SLC67A2: variants seen among roughly 807,000 people sequenced by gnomAD.
The protein encoded by SLC67A2 is solute carrier family 67 member A2.
chr2:102,732,062 T>C, the SLC67A2 span: 18 of 602,650 alleles, frequency 3.0e-5, no homozygotes, highest in Admixed American at 2.2e-4. Context: ...AGAGGCTCCA[T>C]AAGTACCTGT....
chr2:102,732,141 A>G, the SLC67A2 span: 2 of 713,142 alleles, frequency 2.8e-6, no homozygotes, highest in Non-Finnish European at 5.2e-6. Context: ...TACGTCGTCT[A>G]GAAAAAAAGG....
the SLC67A2 span, among the ~76,000 whole-genome samples, chr2:102,731,343 T>C: frequency 2.6e-5 from 4 of 152,150 alleles, no homozygotes; most frequent in African/African-American, 4.8e-5. Context: ...TTATGGACGC[T>C]GTATGATTGT....
chr2:102,716,537 A>AT, the SLC67A2 span: 5 of 152,184 alleles, frequency 3.3e-5, no homozygotes, highest in African/African-American at 1.2e-4. Context: ...TCAGAAGTCC[A>AT]TTTTTCCTTG....
At chr2:102,732,743 T>C in the SLC67A2 span, among the ~76,000 whole-genome samples, 2 of 150,308 alleles carry the variant, frequency 1.3e-5, no homozygotes, top group Non-Finnish European at 3.0e-5. Context: ...AGCACTTGCT[T>C]AAAAATATGT....
chr2:102,719,284 A>G, the SLC67A2 span: 3 of 1,415,374 alleles, frequency 2.1e-6, no homozygotes, highest in Middle Eastern at 1.8e-4. Context: ...GGAAGGGCCA[A>G]TTATTTGTGT....
the SLC67A2 span, chr2:102,719,163 T>C: frequency 1.5e-5 from 25 of 1,614,014 alleles, no homozygotes; most frequent in Non-Finnish European, 1.9e-5. Context: ...CCCTTCTCTG[T>C]ACTGCCCGGT....
the SLC67A2 span, chr2:102,730,953 C>A: frequency 1.5e-6 from 2 of 1,301,736 alleles, no homozygotes; most frequent in Non-Finnish European, 1.1e-6. Flanking sequence ...CCAAATCTAT[C>A]ACTTTTTGAT....
chr2:102,729,905 G>T, the SLC67A2 span, among the ~76,000 whole-genome samples: 5 of 152,168 alleles, frequency 3.3e-5, no homozygotes, highest in Admixed American at 6.5e-5. Flanking sequence ...GAATCTGACT[G>T]AATTTCTTTT....
chr2:102,731,878 T>TTGGTGAC, the SLC67A2 span: 1 of 305,532 alleles, frequency 3.3e-6, no homozygotes, highest in Non-Finnish European at 6.5e-6. Flanking sequence ...CTATGATGTG[T>TTGGTGAC]TGGTGACGGT....
chr2:102,729,092 T>G, the SLC67A2 span, among the ~76,000 whole-genome samples: 1 of 152,190 alleles, frequency 6.6e-6, no homozygotes, highest in Admixed American at 6.5e-5. Flanking sequence ...AATTTATAAT[T>G]AAAATATGTG....
the SLC67A2 span, chr2:102,730,989 C>T: frequency 1.9e-6 from 3 of 1,599,996 alleles, no homozygotes; most frequent in South Asian, 1.1e-5. Context: ...AATTTTACTA[C>T]ATCTGTGATG....
chr2:102,727,648 T>C, the SLC67A2 span, among the ~76,000 whole-genome samples: 1 of 152,210 alleles, frequency 6.6e-6, no homozygotes, highest in Non-Finnish European at 1.5e-5. Flanking sequence ...TCTCCACAGA[T>C]ACCCTTAAAA....
At chr2:102,720,314 C>T in the SLC67A2 span, among the ~76,000 whole-genome samples, 1 of 152,080 alleles carries the variant, frequency 6.6e-6, no homozygotes, top group Admixed American at 6.5e-5. Flanking sequence ...TTTAATAATT[C>T]AATCTTAAAA....
chr2:102,732,104 G>A, the SLC67A2 span: 2 of 657,188 alleles, frequency 3.0e-6, no homozygotes, highest in East Asian at 6.3e-5. Flanking sequence ...TGGTTATAGT[G>A]CTCAAATCTC....
the SLC67A2 span, among the ~76,000 whole-genome samples, chr2:102,733,905 C>T: frequency 6.8e-4 from 104 of 152,280 alleles, no homozygotes; most frequent in Non-Finnish European, 8.8e-5. Context: ...ATTGGTATTA[C>T]TTTAGCACTT....
chr2:102,723,517 G>A, the SLC67A2 span, among the ~76,000 whole-genome samples: 1 of 148,128 alleles, frequency 6.8e-6, no homozygotes, highest in Non-Finnish European at 1.5e-5. Context: ...CACTGTGGGT[G>A]GGAATGTAAA....
chr2:102,721,967 GA>G, the SLC67A2 span, among the ~76,000 whole-genome samples: 2 of 152,148 alleles, frequency 1.3e-5, no homozygotes, highest in Non-Finnish European at 2.9e-5. Context: ...CAGCCTCCCA[GA>G]GTGCTGGGAT....
chr2:102,736,883 G>A, the SLC67A2 span: 8 of 1,482,164 alleles, frequency 5.4e-6, no homozygotes, highest in Non-Finnish European at 7.1e-6. Context: ...CGCCCCGAGC[G>A]GAAGCAGGAG....
chr2:102,733,329 T>C, the SLC67A2 span, among the ~76,000 whole-genome samples: 1 of 152,206 alleles, frequency 6.6e-6, no homozygotes, highest in Non-Finnish European at 1.5e-5. Context: ...AGCTGGTTAG[T>C]TGGAAAGAAA....
Sources: gnomAD v4.1 joint callset for allele counts (sites outside exome capture counted in the v4.1 genomes callset) on GRCh38, gnomAD v4.1.1 for gene constraint, MANE v1.5 for transcripts, NCBI Gene and HGNC (gene_info 2026-07-23, HGNC 2026-07-21) for gene names.